The following SLC44A2 variants were observed in gnomAD, a reference collection of about 807,000 sequenced individuals.
SLC44A2 encodes choline transporter-like protein 2.
SLC44A2 carries 57 observed loss-of-function variants against 90.8 expected under a neutral mutation model. The observed-to-expected ratio is 0.63, with a 90% CI of 0.51 to 0.78. SLC44A2 has a LOEUF of 0.78. Among genes scored for constraint, SLC44A2 ranks in the 30% least tolerant of loss-of-function variants. The pLI is 0.00. For synonymous variants in SLC44A2, 355 were observed against 360.7 expected (o/e 0.98, Z 0.18); for missense variants, 794 against 919.7 (o/e 0.86, Z 1.77).
Position 10,635,248 on chromosome 19 carries a change from A to C in SLC44A2, c.1141A>C (p.Thr381Pro). 6.2e-7 allele frequency: 1 copy of C among 1,613,986 alleles called. No homozygotes were observed. The highest frequency in any genetic ancestry group is 1.1e-5 in the South Asian group (1 of 91,074). Residue 381 changes from threonine (T) to proline (P), a missense_variant, in exon 13 of 22, where the codon ACT becomes CCT. Transcript: ENST00000335757. Reference sequence around the variant, plus strand: ...CCTCTGCATCGCCTACTGGGCCAGCACTGCTGTGTATCTGCCCCCAGACAC... The same window carrying C: ...CCTCTGCATCGCCTACTGGGCCAGCCCTGCTGTGTATCTGCCCCCAGACAC... Reference protein sequence around the residue: ...LCLCIAYWASTAVFLSTSNEA... With the variant: ...LCLCIAYWASPAVFLSTSNEA...
rs1338818200 is a variant in SLC44A2, at chr19:10,634,856, C to T, written c.924C>T (p.Tyr308=). The T allele has an allele frequency of 1.9e-6, 3 of 1,614,162 alleles. No individual in the cohort carries two copies. Among genetic ancestry groups the T allele is most frequent in the Non-Finnish European group, 2.5e-6 (3 of 1,180,030 alleles). Residue 308 remains tyrosine (Y), a synonymous_variant, in exon 11 of 22, where the codon TAC becomes TAT. Transcript: ENST00000335757. ...GCTTTCAGACGGATTTCCGGGTGTA[C>T]CTGCACTTACGGCAGACCTGGTTGG... ...DLGFQTDFRV[Y]LHLRQTWLAF...
intron 1 of SLC44A2, among the ~76,000 whole-genome samples, chr19:10,615,876 T>C (rs1305550871): frequency 6.6e-6 from 1 of 151,534 alleles, no homozygotes; most frequent in Non-Finnish European, 1.5e-5. Context: ...AAAGATGAAA[T>C]GAGGCGGGCT....
rs1311968474 is a variant in SLC44A2 at position 10,634,739 on chromosome 19, G to C, written c.824-17G>C. On this transcript the variant is annotated splice_polypyrimidine_tract_variant and intron_variant, in intron 10 of 21. Transcript: ENST00000335757. ...CAGGAGGCACTGCTGGACTGAGCTTGTGGTTCCCCCATGCAGGAATATTTC... is the reference window on the plus strand; with the variant it reads ...CAGGAGGCACTGCTGGACTGAGCTTCTGGTTCCCCCATGCAGGAATATTTC... The C allele has an allele frequency of 1.5e-5, 24 of 1,614,166 alleles. No individual in the cohort carries two copies. The highest frequency in any genetic ancestry group is 1.9e-5 in the Non-Finnish European group (23 of 1,180,022).
intron 18 of SLC44A2, 32 bp from the exon 19 acceptor site, chr19:10,637,991 C>T (rs897221587): frequency 6.2e-7 from 1 of 1,613,986 alleles, no homozygotes; most frequent in South Asian, 1.1e-5. Flanking sequence ...CTGAAGCCAG[C>T]ATTCACACCT....
intron 1 of SLC44A2, among the ~76,000 whole-genome samples, chr19:10,610,631 CTTTTTTT>C (rs56002726): frequency 4.1e-3 from 197 of 47,984 alleles, no homozygotes; most frequent in African/African-American, 0.017. Context: ...CCGCGCCTGG[CTTTTTTT>C]TTTTTTTTTT....
intron 2 of SLC44A2, 75 bp downstream of exon 2, chr19:10,626,376 T>A: frequency 3.6e-6 from 4 of 1,126,408 alleles, no homozygotes; most frequent in Admixed American, 1.8e-5. Flanking sequence ...CCCCCTCCCA[T>A]CTGTTCTCCA....
chr19:10,632,703 G>A (rs1361985399), intron 10 of SLC44A2, among the ~76,000 whole-genome samples: 1 of 148,442 alleles, frequency 6.7e-6, no homozygotes, highest in African/African-American at 2.5e-5. Flanking sequence ...ACGGAGTTCT[G>A]TTCTTGTCAC....
chr19:10,626,167 C>A, intron 1 of SLC44A2, 86 bp from the exon 2 acceptor site: 1 of 1,093,890 alleles, frequency 9.1e-7, no homozygotes, highest in Non-Finnish European at 1.4e-6. Context: ...CAAAGACACC[C>A]CTAGGGGCTT....
chr19:10,643,052 C>T (rs764383443), intron 21 of SLC44A2: 72 of 1,492,026 alleles, frequency 4.8e-5, no homozygotes, highest in Non-Finnish European at 6.2e-5. Context: ...GGCCAGGTTT[C>T]CTCCATGTAG....
chr19:10,610,746 T>C (rs573036251), intron 1 of SLC44A2, among the ~76,000 whole-genome samples: 4 of 148,502 alleles, frequency 2.7e-5, no homozygotes, highest in South Asian at 4.3e-4. Context: ...TTCAAGTGAT[T>C]CTCTGGCCTC....
At chr19:10,639,199 A>G (rs1173660283) in intron 20 of SLC44A2, among the ~76,000 whole-genome samples, 1 of 152,146 alleles carries the variant, frequency 6.6e-6, no homozygotes, top group Admixed American at 6.6e-5. Context: ...CTCGCAGAGT[A>G]CTGGGATTGC....
chr19:10,635,704 CT>C (rs771183389), intron 14 of SLC44A2, 189 bp downstream of exon 14: 11 of 546,484 alleles, frequency 2.0e-5, no homozygotes, highest in Non-Finnish European at 3.5e-5. Context: ...CCAGGGCAAG[CT>C]GGCTTCCTCT....
intron 16 of SLC44A2, chr19:10,637,078 G>A (rs2067065161): frequency 1.9e-5 from 5 of 266,350 alleles, no homozygotes; most frequent in Non-Finnish European, 3.6e-5. Context: ...TTTATTAGCC[G>A]GGCGCCGTGA....
chr19:10,626,523 C>T (rs2066935688), intron 2 of SLC44A2, among the ~76,000 whole-genome samples: 1 of 151,612 alleles, frequency 6.6e-6, no homozygotes, highest in African/African-American at 2.4e-5. Flanking sequence ...GAGCAATTCT[C>T]CCACCTCAGT....
upstream of SLC44A2, among the ~76,000 whole-genome samples, chr19:10,622,289 G>T (rs1315509482): frequency 2.6e-5 from 4 of 152,116 alleles, no homozygotes; most frequent in African/African-American, 4.8e-5. Flanking sequence ...GTCATGCAAG[G>T]CTTTGTGGGC....
At chr19:10,640,139 G>GGA (rs1157663876) in intron 20 of SLC44A2, among the ~76,000 whole-genome samples, 1 of 143,820 alleles carries the variant, frequency 7.0e-6, no homozygotes, top group Non-Finnish European at 1.5e-5. Context: ...CACCCACGCT[G>GGA]GAGTGCGATG....
At chr19:10,628,755 G>C (rs1015250102) in intron 4 of SLC44A2, among the ~76,000 whole-genome samples, 1 of 152,138 alleles carries the variant, frequency 6.6e-6, no homozygotes, top group African/African-American at 2.4e-5. Context: ...AGACAACAGA[G>C]CAAGCATAGC....
At chr19:10,602,502 C>T (rs1018906485), upstream of SLC44A2, 7 of 1,256,356 alleles carry the variant, frequency 5.6e-6, no homozygotes, top group East Asian at 3.2e-5. Flanking sequence ...CGCGCTGGCT[C>T]GGACTCCGCT....
chr19:10,640,728 C>T (rs2067106320), intron 20 of SLC44A2, among the ~76,000 whole-genome samples: 1 of 152,172 alleles, frequency 6.6e-6, no homozygotes. Flanking sequence ...AAGCCCTAAA[C>T]ATGCATAAAA....
Sources: gnomAD v4.1 joint callset for allele counts (sites outside exome capture counted in the v4.1 genomes callset) on GRCh38, gnomAD v4.1.1 for gene constraint, MANE v1.5 for transcripts, NCBI Gene and HGNC (gene_info 2026-07-23, HGNC 2026-07-21) for gene names.